RPAIN: variants seen among roughly 807,000 people sequenced by gnomAD.
The protein encoded by RPAIN is RPA-interacting protein.
Under a neutral mutation model 30.5 loss-of-function variants are expected in RPAIN, and 29 were observed. The ratio of observed to expected loss-of-function variants is 0.95; its 90% CI spans 0.71 to 1.30. The LOEUF (loss-of-function observed/expected upper bound fraction) is 1.30, where lower values mean the gene tolerates loss of function less well. Ranked by LOEUF, RPAIN falls within the 50% of genes most tolerant of loss-of-function variation. RPAIN has a pLI of 0.00. For synonymous variants in RPAIN, 101 were observed against 93.5 expected, an observed-to-expected ratio of 1.08 and a Z score of -0.46; for missense variants, 247 against 264.7, an observed-to-expected ratio of 0.93 and a Z score of 0.46.
At chr17:5,421,548 G>A (rs1370971862) in intron 2 of RPAIN, 82 bp downstream of exon 2, 4 of 1,347,194 alleles carry the variant, frequency 3.0e-6, no homozygotes, top group African/African-American at 1.5e-5. Flanking sequence ...GTTTACTTGA[G>A]TCCTCTAAAC....
rs146605502 is a variant in RPAIN at position 5,429,841 on chromosome 17, T to G, written c.630+1630T>G. 1.3e-3 allele frequency: 1,112 copies of G among 886,638 alleles called. 1 individual carries two copies. Among genetic ancestry groups the G allele is most frequent in the Middle Eastern group, 4.0e-3 (7 of 1,760 alleles). 54.9% of individuals were successfully genotyped at this position (886,638 alleles called of 1,614,324 possible). On this transcript the variant is annotated intron_variant, in intron 6 of 6. Transcript: ENST00000381209. The stretch of plus-strand genomic sequence containing the variant: ...ATTTACCAAGCACTACAATATGCCG[T>G]GTACTTCATTCAGCCTGATTCCTCA...
rs114507779 is a variant in RPAIN at position 5,427,757 on chromosome 17, G to C, written c.490-314G>C. On this transcript the variant is annotated intron_variant, in intron 5 of 6. Transcript: ENST00000381209. Reference sequence around the variant, plus strand: ...TATACTGCTAGTTGTTGGTAAGGATGCACTCAGCTGGTGGGGGCAGAGGCA... The same window carrying C: ...TATACTGCTAGTTGTTGGTAAGGATCCACTCAGCTGGTGGGGGCAGAGGCA... 1,227 of 377,810 alleles carry C rather than the reference G, an allele frequency of 3.2e-3. 18 individuals carry two copies. Among genetic ancestry groups the C allele is most frequent in the African/African-American group, 0.023 (1,132 of 49,044 alleles). The allele number at this position is 377,810 out of a possible 1,614,324, so 23.4% of individuals were successfully genotyped here. A position where few individuals can be genotyped will look rare whatever the true frequency, so the allele number is the denominator to read the frequency against.
At chr17:5,431,256 G>A (rs1315816163) in intron 6 of RPAIN, 1 of 356,972 alleles carries the variant, frequency 2.8e-6, no homozygotes, top group Non-Finnish European at 5.5e-6. Context: ...GAAGGCTGAG[G>A]TGGGAGGATC....
intron 1 of RPAIN, 97 bp from the exon 2 acceptor site, chr17:5,421,199 A>G: frequency 2.4e-6 from 3 of 1,261,674 alleles, no homozygotes; most frequent in South Asian, 1.6e-5. Flanking sequence ...TTTTGTGTCT[A>G]TAAACTTTCT....
intron 2 of RPAIN, among the ~76,000 whole-genome samples, chr17:5,422,307 T>G (rs1914944142): frequency 6.6e-6 from 1 of 152,202 alleles, no homozygotes; most frequent in Non-Finnish European, 1.5e-5. Context: ...GGGCAACTGT[T>G]TGAAACCATC....
chr17:5,425,299 G>C, intron 3 of RPAIN: 1 of 455,564 alleles, frequency 2.2e-6, no homozygotes, highest in Non-Finnish European at 4.4e-6. Context: ...CAAGTATGTG[G>C]AATCAGCAGG....
In RPAIN at chr17:5,432,638, C is replaced by A; in HGVS notation, c.*67C>A. On this transcript the variant is annotated 3_prime_UTR_variant, in exon 7 of 7. Coordinates refer to ENST00000381209, the MANE Select transcript of RPAIN (RefSeq NM_001033002.4). ...CTCATTCCCTCTGAGGAGCCTTGTA[C>A]ATACAAGCCTTTTATTTATAACTTA... 7.3e-7 allele frequency: 1 copy of A among 1,368,556 alleles called. No homozygotes were observed. Among genetic ancestry groups the A allele is most frequent in the Non-Finnish European group, 1.0e-6 (1 of 968,820 alleles). The allele number at this position is 1,368,556 out of a possible 1,614,324, so 84.8% of individuals were successfully genotyped here.
chr17:5,425,165 T>A (rs935230129), intron 3 of RPAIN: 2 of 376,950 alleles, frequency 5.3e-6, no homozygotes, highest in Non-Finnish European at 1.0e-5. Flanking sequence ...TTCCCTAATG[T>A]CTAGACTGTG....
In RPAIN at chr17:5,432,728, C is replaced by T; in HGVS notation, c.*157C>T. On this transcript the variant is annotated 3_prime_UTR_variant, in exon 7 of 7. Coordinates refer to ENST00000381209, the MANE Select transcript of RPAIN (RefSeq NM_001033002.4). ...AACTTTTCCGACATCTGTTCTTGGT[C>T]TTTTGTGACGCAGGTTGAAGGGGGA... 2.4e-6 allele frequency: 2 copies of T among 845,382 alleles called. No individual in the cohort carries two copies. The highest frequency in any genetic ancestry group is 3.6e-6 in the Non-Finnish European group (2 of 555,354). 52.4% of individuals were successfully genotyped at this position (845,382 alleles called of 1,614,324 possible).
At chr17:5,430,563 TGGCAGAG>T (rs1915809231) in intron 6 of RPAIN, 1 of 152,304 alleles carries the variant, frequency 6.6e-6, no homozygotes, top group Non-Finnish European at 1.5e-5. Flanking sequence ...TAATGAGGGC[TGGCAGAG>T]GGGAACTGGC....
At chr17:5,421,942 T>TGCCC (rs5819026) in intron 2 of RPAIN, 45,067 of 152,098 alleles carry the variant, frequency 0.3, 7,854 homozygotes, top group East Asian at 0.81. Context: ...TGTGCCACCA[T>TGCCC]GCCCGGCTAA....
chr17:5,428,781 G>A, intron 6 of RPAIN: 1 of 991,162 alleles, frequency 1.0e-6, no homozygotes. Context: ...ATGTACATGT[G>A]TATATATATC....
Position 5,422,811 on chromosome 17 carries a change from C to T in RPAIN, c.295C>T (p.Gln99Ter), listed in dbSNP as rs1222416020. ...IDMAVLEEIQ[Q>*]ELINQEQSII... Reference sequence around the variant, plus strand: ...CATGGCTGTGCTGGAGGAAATTCAACAGGAGCTGATCAACCAAGGTAACCC... The same window carrying T: ...CATGGCTGTGCTGGAGGAAATTCAATAGGAGCTGATCAACCAAGGTAACCC... The change falls in exon 3 of 7, where the codon CAG (glutamine) becomes TAG (stop). Residue 99 changes from glutamine (Q) to a stop codon, truncating the protein, a stop_gained. Transcript: ENST00000381209. LOFTEE classifies it high-confidence loss of function. 2.0e-5 allele frequency: 33 copies of T among 1,612,836 alleles called. No individual in the cohort carries two copies. The highest frequency in any genetic ancestry group is 2.8e-5 in the Non-Finnish European group (33 of 1,179,196).
chr17:5,424,702 T>C (rs1244259596), intron 3 of RPAIN, among the ~76,000 whole-genome samples: 1 of 152,208 alleles, frequency 6.6e-6, no homozygotes, highest in Non-Finnish European at 1.5e-5. Context: ...ATAAGGATAA[T>C]AATAGTGAAG....
chr17:5,431,617 A>G, intron 6 of RPAIN: 1 of 456,698 alleles, frequency 2.2e-6, no homozygotes, highest in Non-Finnish European at 4.4e-6. Flanking sequence ...AGGGGGAATC[A>G]AGGACCATTG....
chr17:5,421,498 G>A, intron 2 of RPAIN, 32 bp downstream of exon 2: 31 of 1,600,542 alleles, frequency 1.9e-5, no homozygotes, highest in Non-Finnish European at 2.6e-5. Flanking sequence ...TCAGGGAGGG[G>A]GACTGCACCA....
At chr17:5,420,436 TG>T in intron 1 of RPAIN, 145 bp downstream of exon 1, 1 of 657,578 alleles carries the variant, frequency 1.5e-6, no homozygotes, top group South Asian at 1.9e-5. Context: ...CTGTAGAGTG[TG>T]GGATTAGCCC....
In RPAIN at chr17:5,426,287, C is replaced by T. The variant is rs1376257973; in HGVS notation, c.477C>T (p.Ser159=). ...SGVVVCQCGL[S]IPSHSSELTE... is the part of the protein sequence containing the mutation. ...TGGTGGTGTGTCAGTGTGGCCTGTC[C>T]ATCCCATCTCATGTGAGTGTTCCAC... is the stretch of plus-strand genomic sequence containing the variant. The change falls in exon 5 of 7, where the codon TCC becomes TCT. Residue 159 remains serine, a synonymous_variant. Transcript: ENST00000381209. The T allele has an allele frequency of 3.1e-6, 5 of 1,613,790 alleles. No homozygotes were observed. The Admixed American group carries it at 5.0e-5, about 16-fold the overall frequency.
At chr17:5,421,258 C>T (rs921716769) in intron 1 of RPAIN, 38 bp from the exon 2 acceptor site, 2 of 1,500,890 alleles carry the variant, frequency 1.3e-6, no homozygotes, top group Non-Finnish European at 1.8e-6. Context: ...AATAGAAATG[C>T]TTTTTTTTTC....
Sources: gnomAD v4.1 joint callset for allele counts (sites outside exome capture counted in the v4.1 genomes callset) on GRCh38, gnomAD v4.1.1 for gene constraint, MANE v1.5 for transcripts, NCBI Gene and HGNC (gene_info 2026-07-23, HGNC 2026-07-21) for gene names.